Variants in CLEC16A observed in about 807,000 individuals in gnomAD.
The protein encoded by CLEC16A is C-type lectin domain containing 16A, also known as protein CLEC16A.
A neutral mutation model predicts 109.5 loss-of-function variants in CLEC16A; 51 were observed. The ratio of observed to expected loss-of-function variants is 0.47; its 90% CI spans 0.37 to 0.59. CLEC16A has a LOEUF of 0.59. Ranked by LOEUF, CLEC16A falls within the 20% of genes least tolerant of loss-of-function variation. The pLI is 0.00. For synonymous variants in CLEC16A, 673 were observed against 564.2 expected (o/e 1.19, Z -2.73); for missense variants, 1,339 against 1,394.0 (o/e 0.96, Z 0.63).
intron 19 of CLEC16A, among the ~76,000 whole-genome samples, chr16:11,113,176 TCA>T (rs1300933090): frequency 6.6e-6 from 1 of 152,230 alleles, no homozygotes; most frequent in Admixed American, 6.5e-5. Flanking sequence ...CACCTGGTTC[TCA>T]GTGATTGTCT....
chr16:10,978,836 G>A (rs1026678740), intron 8 of CLEC16A, among the ~76,000 whole-genome samples: 5 of 152,064 alleles, frequency 3.3e-5, no homozygotes, highest in African/African-American at 9.7e-5. Context: ...CCGTTTCTTC[G>A]GCTGCAAAAT....
Position 11,179,646 on chromosome 16 carries a change from C to T in CLEC16A, c.*956C>T, listed in dbSNP as rs2068897386. ...ATCTCTAAGAAGGAACCAGTTGGGA[C>T]CGTGAAGACTCCCGACCCTGTGGCC... On this transcript the variant is annotated 3_prime_UTR_variant, in exon 24 of 24. Coordinates refer to ENST00000409790, the MANE Select transcript of CLEC16A (RefSeq NM_015226.3). 6.6e-6 allele frequency: 1 copy of T among 152,252 alleles called. No individual in the cohort carries two copies. Among genetic ancestry groups the T allele is most frequent in the Non-Finnish European group, 1.5e-5 (1 of 68,080 alleles). 9.4% of individuals were successfully genotyped at this position (152,252 alleles called of 1,614,324 possible).
intron 10 of CLEC16A, among the ~76,000 whole-genome samples, chr16:10,996,589 A>G (rs1490724710): frequency 2.6e-5 from 4 of 152,092 alleles, no homozygotes; most frequent in African/African-American, 9.7e-5. Flanking sequence ...AAGCCGTCCT[A>G]AGCTCCCCCT....
intron 19 of CLEC16A, among the ~76,000 whole-genome samples, chr16:11,103,053 GGAGGGCCTGA>G (rs2051012141): frequency 6.6e-6 from 1 of 152,220 alleles, no homozygotes; most frequent in Non-Finnish European, 1.5e-5. Flanking sequence ...AGACACAGAG[GGAGGGCCTGA>G]GAGATGGGCA....
intron 22 of CLEC16A, among the ~76,000 whole-genome samples, chr16:11,165,359 G>A (rs1474505416): frequency 6.6e-6 from 1 of 151,996 alleles, no homozygotes; most frequent in Non-Finnish European, 1.5e-5. Context: ...GGGTATGGTG[G>A]CATATCCCTG....
chr16:10,978,096 G>T (rs1296535726), intron 8 of CLEC16A, among the ~76,000 whole-genome samples: 1 of 152,220 alleles, frequency 6.6e-6, no homozygotes, highest in African/African-American at 2.4e-5. Flanking sequence ...GCGCAGCATG[G>T]AGGGAAGGGA....
intron 11 of CLEC16A, among the ~76,000 whole-genome samples, chr16:11,007,337 C>T (rs1416674089): frequency 6.6e-6 from 1 of 152,130 alleles, no homozygotes; most frequent in Non-Finnish European, 1.5e-5. Context: ...TTGGAAGTCT[C>T]TACTGAAATG....
At position 10,961,966 on chromosome 16, in the gene CLEC16A, T is replaced by TTC. The variant is rs1278684107; in HGVS notation, c.210-487_210-486dup. 2.2e-5 allele frequency among the ~76,000 whole-genome samples: 2 copies of TTC among 89,182 alleles called. No individual in the cohort carries two copies. Among genetic ancestry groups the TTC allele is most frequent in the African/African-American group, 1.0e-4 (2 of 19,682 alleles). 58.5% of individuals were successfully genotyped at this position (89,182 alleles called of 152,430 possible). A position where few individuals can be genotyped will look rare whatever the true frequency, so the allele number is the denominator to read the frequency against. ...TTTTGGGAACTTTTTTTTCTTTTTT[T>TTC]TCTTTTTTTTTTTTTTGGCTCTGTC... On this transcript the variant is annotated intron_variant, in intron 2 of 23. Transcript: ENST00000409790. This position sits in a 1 kb window ranked among gnomAD's most constrained non-coding sequence, Gnocchi z 4.3.
At chr16:10,993,061 TG>T (rs753546739) in intron 10 of CLEC16A, among the ~76,000 whole-genome samples, 11 of 151,976 alleles carry the variant, frequency 7.2e-5, no homozygotes, top group Non-Finnish European at 1.5e-4. Context: ...AGAAATATCC[TG>T]GGTTGGTGGA....
rs2053828706 is a variant in CLEC16A at position 11,141,529 on chromosome 16, G to A, written c.2641+15383G>A. Among the ~76,000 whole-genome samples the A allele has an allele frequency of 2.0e-5, 3 of 152,370 alleles. No individual in the cohort carries two copies. In the South Asian group the frequency reaches 6.2e-4, roughly 32 times the overall value. On this transcript the variant is annotated intron_variant, in intron 22 of 23. Coordinates refer to ENST00000409790, the MANE Select transcript of CLEC16A (RefSeq NM_015226.3). ...CCGTGGGGGATCTGGAGGGGTGCAAGGAGACATGTGAGTTTCATTCTGCGT... is the reference window on the plus strand; with the variant it reads ...CCGTGGGGGATCTGGAGGGGTGCAAAGAGACATGTGAGTTTCATTCTGCGT...
At chr16:10,983,033 T>G in intron 10 of CLEC16A, 42 bp downstream of exon 10, 6 of 1,063,376 alleles carry the variant, frequency 5.6e-6, no homozygotes, top group Non-Finnish European at 8.8e-6. Context: ...AGGAAACCAT[T>G]GCTCATTTTG....
At chr16:11,080,178 T>A (rs896422676) in intron 19 of CLEC16A, among the ~76,000 whole-genome samples, 1 of 152,170 alleles carries the variant, frequency 6.6e-6, no homozygotes, top group Admixed American at 6.5e-5. Flanking sequence ...ATTTGCTGAA[T>A]GGTAGGCACT....
At chr16:10,979,463 C>A in intron 9 of CLEC16A, 81 bp downstream of exon 9, 1 of 1,219,578 alleles carries the variant, frequency 8.2e-7, no homozygotes, top group Non-Finnish European at 1.2e-6. Context: ...ATCCCCAGGC[C>A]TTATCACCCC....
intron 11 of CLEC16A, among the ~76,000 whole-genome samples, chr16:11,019,027 C>T (rs1278903433): frequency 6.6e-6 from 1 of 152,192 alleles, no homozygotes; most frequent in Non-Finnish European, 1.5e-5. Flanking sequence ...GACGTCCCTG[C>T]ATGAGCCGGG....
intron 22 of CLEC16A, among the ~76,000 whole-genome samples, chr16:11,142,391 C>G (rs1308622127): frequency 2.0e-5 from 3 of 152,246 alleles, no homozygotes; most frequent in Admixed American, 2.0e-4. Context: ...GCGCTGTGAT[C>G]AAGCAGGCCT....
chr16:11,152,484 C>T (rs574104509), intron 22 of CLEC16A, among the ~76,000 whole-genome samples: 26 of 152,324 alleles, frequency 1.7e-4, no homozygotes, highest in African/African-American at 6.3e-4. Flanking sequence ...GGGGCCCAAG[C>T]TCTGTGTTTG....
chr16:11,034,116 G>T (rs2046894110), intron 13 of CLEC16A, among the ~76,000 whole-genome samples: 1 of 152,204 alleles, frequency 6.6e-6, no homozygotes, highest in Non-Finnish European at 1.5e-5. Context: ...ATATGGAAAA[G>T]GTTGAAAGGT....
chr16:11,155,421 A>C (rs945482874), intron 22 of CLEC16A, among the ~76,000 whole-genome samples: 1 of 152,174 alleles, frequency 6.6e-6, no homozygotes, highest in African/African-American at 2.4e-5. Flanking sequence ...GACAAGCCTA[A>C]AGCCAAGTTG....
chr16:11,039,408 G>A (rs934829065), intron 13 of CLEC16A, among the ~76,000 whole-genome samples: 3 of 152,146 alleles, frequency 2.0e-5, no homozygotes, highest in African/African-American at 7.2e-5. Flanking sequence ...ATACATTTAT[G>A]TAAGTTCAGT....
Sources: allele counts gnomAD v4.1 joint callset (sites outside exome capture counted in the v4.1 genomes callset), GRCh38; gene constraint gnomAD v4.1.1; non-coding constraint Gnocchi (gnomAD v3.1); transcripts MANE v1.5; gene names NCBI Gene and HGNC (gene_info 2026-07-23, HGNC 2026-07-21).